The following KIAA1549 variants were observed in gnomAD, a reference collection of about 807,000 sequenced individuals.
The protein encoded by KIAA1549 is KIAA1549.
A neutral mutation model predicts 156.4 loss-of-function variants in KIAA1549; 70 were observed. The ratio of observed to expected loss-of-function variants is 0.45; its 90% CI spans 0.37 to 0.55. The LOEUF is 0.55. Among genes scored for constraint, KIAA1549 ranks in the 20% least tolerant of loss-of-function variants. KIAA1549 has a pLI of 0.00. For missense variants in KIAA1549, 2,428 were observed against 2,540.9 expected, an observed-to-expected ratio of 0.96 and a Z score of 0.96; for synonymous variants, 1,103 against 1,066.4, an observed-to-expected ratio of 1.03 and a Z score of -0.67.
At chr7:138,933,323 A>C (rs910242750) in intron 1 of KIAA1549, among the ~76,000 whole-genome samples, 1 of 152,192 alleles carries the variant, frequency 6.6e-6, no homozygotes, top group African/African-American at 2.4e-5. Context: ...TGTTTCCTCT[A>C]CTCATGAGGA....
chr7:138,901,687 C>A (rs1013229720), intron 8 of KIAA1549, among the ~76,000 whole-genome samples: 1 of 152,144 alleles, frequency 6.6e-6, no homozygotes, highest in Admixed American at 6.5e-5. Context: ...AAAATTCCAA[C>A]ACATAAAGAT....
chr7:138,900,605 T>C (rs1811813740), intron 8 of KIAA1549, among the ~76,000 whole-genome samples: 1 of 152,190 alleles, frequency 6.6e-6, no homozygotes, highest in East Asian at 1.9e-4. Flanking sequence ...TGAAATGTGA[T>C]CCCCGATGGT....
intron 11 of KIAA1549, among the ~76,000 whole-genome samples, chr7:138,880,505 G>C (rs1446906416): frequency 6.6e-6 from 1 of 152,176 alleles, no homozygotes; most frequent in East Asian, 1.9e-4. Flanking sequence ...CCCTGGGGTA[G>C]GTTTCCTGAT....
chr7:138,851,578 GT>G (rs887812787), intron 17 of KIAA1549, among the ~76,000 whole-genome samples: 1 of 151,672 alleles, frequency 6.6e-6, no homozygotes, highest in African/African-American at 2.4e-5. Flanking sequence ...GTGGGGGTGT[GT>G]GTGGAAGGGG....
At chr7:138,951,055 GTTTT>G (rs1402086783) in intron 1 of KIAA1549, among the ~76,000 whole-genome samples, 3 of 151,606 alleles carry the variant, frequency 2.0e-5, no homozygotes, top group East Asian at 1.9e-4. Context: ...CTCTCTTCTG[GTTTT>G]TTTGTTTTGT....
chr7:138,868,561 G>A (rs986419669), intron 14 of KIAA1549, among the ~76,000 whole-genome samples: 1 of 152,168 alleles, frequency 6.6e-6, no homozygotes, highest in Non-Finnish European at 1.5e-5. Context: ...CTGAGTAGCT[G>A]GGATTACAGG....
intron 11 of KIAA1549, among the ~76,000 whole-genome samples, chr7:138,881,125 TG>T (rs1811228550): frequency 6.6e-6 from 1 of 152,214 alleles, no homozygotes; most frequent in Admixed American, 6.5e-5. Flanking sequence ...TCAAGTCTGA[TG>T]GGGACCCCTA....
At position 138,840,143 on chromosome 7, in the gene KIAA1549, C is replaced by T. The variant is rs201508644; in HGVS notation, c.5588G>A (p.Arg1863Gln). Residue 1863 changes from arginine to glutamine, a missense_variant, in exon 19 of 20, where the codon CGA (arginine) becomes CAA (glutamine). By Grantham distance (43) the Arg-to-Gln change is conservative. Around this residue, in one of 5 missense-constraint regions of KIAA1549, gnomAD observed 363 missense variants for 354.0 expected, o/e 1.03. Transcript: ENST00000422774. ...ACAGGAGATACTCACGGCCTCTCTTCGCCCCGCTTCGTCCTCCCCGTACGA... is the reference window on the plus strand; with the variant it reads ...ACAGGAGATACTCACGGCCTCTCTTTGCCCCGCTTCGTCCTCCCCGTACGA... The part of the protein sequence containing the change: ...WPSYGEDEAG[R>Q]REATHMLGHQ... 2.0e-4 allele frequency: 305 copies of T among 1,551,770 alleles called. 1 individual carries two copies. The highest frequency in any genetic ancestry group is 9.5e-4 in the East Asian group (39 of 40,938).
rs1334804434 is a variant in KIAA1549 at position 138,833,252 on chromosome 7, C to T, written c.*4654G>A. Reference sequence around the variant, plus strand: ...AACGTTACCCAGCTTTCCTTCCAAACGACAAATTCATTCATGTCTGAGAAT... The same window carrying T: ...AACGTTACCCAGCTTTCCTTCCAAATGACAAATTCATTCATGTCTGAGAAT... On this transcript the variant is annotated 3_prime_UTR_variant, in exon 20 of 20. Coordinates refer to ENST00000422774, the MANE Select transcript of KIAA1549 (RefSeq NM_001164665.2). 3 of 232,482 alleles carry T rather than the reference C, an allele frequency of 1.3e-5. No individual in the cohort carries two copies. Among genetic ancestry groups the T allele is most frequent in the Non-Finnish European group, 1.7e-5 (2 of 117,690 alleles). 14.4% of individuals were successfully genotyped at this position (232,482 alleles called of 1,614,324 possible).
rs1346754577 is a variant in KIAA1549 at position 138,837,083 on chromosome 7, A to G, written c.*823T>C. 1 of 228,446 alleles carries G rather than the reference A, an allele frequency of 4.4e-6. No individual in the cohort carries two copies. Among genetic ancestry groups the G allele is most frequent in the East Asian group, 6.3e-5 (1 of 15,920 alleles). The allele number at this position is 228,446 out of a possible 1,614,324, so 14.2% of individuals were successfully genotyped here. ...GACCAGGAGTTGTGTGTGCCCAATT[A>G]AGAAACAGCAAATACAATGAAGAAT... On this transcript the variant is annotated 3_prime_UTR_variant, in exon 20 of 20. Transcript: ENST00000422774.
intron 18 of KIAA1549, among the ~76,000 whole-genome samples, chr7:138,842,708 A>AT (rs397714186): frequency 2.6e-5 from 4 of 151,434 alleles, no homozygotes; most frequent in Non-Finnish European, 5.9e-5. Flanking sequence ...AAAAAAAAAA[A>AT]TCTACCTCAG....
intron 1 of KIAA1549, among the ~76,000 whole-genome samples, chr7:138,959,307 A>G (rs2130553335): frequency 6.6e-6 from 1 of 152,280 alleles, no homozygotes; most frequent in East Asian, 1.9e-4. Context: ...ACGACCATAC[A>G]CAACTAGGGA....
chr7:138,854,053 A>T (rs567693768), intron 16 of KIAA1549, among the ~76,000 whole-genome samples: 11 of 152,290 alleles, frequency 7.2e-5, no homozygotes, highest in Admixed American at 2.0e-4. Context: ...TAGGGACTAC[A>T]TGCCCTGATG....
intron 18 of KIAA1549, among the ~76,000 whole-genome samples, chr7:138,842,203 T>A (rs1809941150): frequency 6.6e-6 from 1 of 152,194 alleles, no homozygotes; most frequent in African/African-American, 2.4e-5. Context: ...GCTGAAATCA[T>A]CATTCGGTAG....
At chr7:138,838,348 G>A (rs1415523012) in intron 19 of KIAA1549, among the ~76,000 whole-genome samples, 188 bp from the exon 20 acceptor site, 1 of 152,202 alleles carries the variant, frequency 6.6e-6, no homozygotes, top group African/African-American at 2.4e-5. Context: ...AGAACAGAAG[G>A]GAGGGAGGCT....
chr7:138,962,582 AAG>A (rs1304595122), intron 1 of KIAA1549, among the ~76,000 whole-genome samples: 2 of 152,074 alleles, frequency 1.3e-5, no homozygotes, highest in African/African-American at 2.4e-5. Flanking sequence ...GTCACCTGGG[AAG>A]AGAGAGGGAG....
intron 1 of KIAA1549, among the ~76,000 whole-genome samples, chr7:138,934,274 G>A (rs145698540): frequency 2.6e-5 from 4 of 152,172 alleles, no homozygotes; most frequent in African/African-American, 9.6e-5. Flanking sequence ...AAGACACAGG[G>A]TACCTGAAAA....
Position 138,907,052 on chromosome 7 carries a change from C to T in KIAA1549, c.3327G>A (p.Pro1109=), listed in dbSNP as rs376796935. ...TTTTAACCGCAAAGATGATATTCAC[C>T]GGGCCCCGCCGAGGAGTCACCCTTG... ...SSSRVTPRRG[P]VNIIFAVKST... The change falls in exon 6 of 20, where the codon CCG becomes CCA. Residue 1109 remains proline, a synonymous_variant. Coordinates refer to ENST00000422774, the MANE Select transcript of KIAA1549 (RefSeq NM_001164665.2). The T allele has an allele frequency of 7.6e-5, 122 of 1,612,392 alleles. No individual in the cohort carries two copies. In the African/African-American group the frequency reaches 1.4e-3, roughly 18 times the overall value.
chr7:138,932,010 T>C (rs1410652251), intron 1 of KIAA1549, among the ~76,000 whole-genome samples: 1 of 152,030 alleles, frequency 6.6e-6, no homozygotes, highest in African/African-American at 2.4e-5. Context: ...GCAGGAGACA[T>C]GAAGGCAGAC....
Sources: gnomAD v4.1 joint callset for allele counts (sites outside exome capture counted in the v4.1 genomes callset) on GRCh38, gnomAD v4.1.1 for gene constraint, gnomAD v4.1.1 regional missense constraint, MANE v1.5 for transcripts, NCBI Gene and HGNC (gene_info 2026-07-23, HGNC 2026-07-21) for gene names.